The following PDIA6 variants were observed in gnomAD, a reference collection of about 807,000 sequenced individuals.
The protein encoded by PDIA6 is protein disulfide-isomerase A6.
PDIA6 carries 29 observed loss-of-function variants against 58.4 expected under a neutral mutation model. The ratio of observed to expected loss-of-function variants is 0.50; its 90% confidence interval spans 0.37 to 0.68. PDIA6 has a LOEUF of 0.68. Among genes scored for constraint, PDIA6 ranks in the 30% least tolerant of loss-of-function variants. PDIA6 has a pLI of 0.00. For missense variants in PDIA6, 480 were observed against 551.0 expected, an observed-to-expected ratio of 0.87 and a Z score of 1.29; for synonymous variants, 192 against 202.6, an observed-to-expected ratio of 0.95 and a Z score of 0.44.
Position 10,810,116 on chromosome 2 carries a change from A to T in PDIA6, c.19+2562T>A, listed in dbSNP as rs1666940933. 9.4e-6 allele frequency: 6 copies of T among 636,964 alleles called. No homozygotes were observed. The East Asian group carries it at 1.7e-4, about 18-fold the overall frequency. The allele number at this position is 636,964 out of a possible 1,614,324, so 39.5% of individuals were successfully genotyped here. A position where few individuals can be genotyped will look rare whatever the true frequency, so the allele number is the denominator to read the frequency against. ...GAGACAAAACAGTAACACTTGCGTGACTCTGTATCAGGCATTTTTCTAAAC... is the reference window on the plus strand; with the variant it reads ...GAGACAAAACAGTAACACTTGCGTGTCTCTGTATCAGGCATTTTTCTAAAC... On this transcript the variant is annotated intron_variant, in intron 1 of 12. Transcript: ENST00000272227.
intron 4 of PDIA6, among the ~76,000 whole-genome samples, chr2:10,796,346 C>T: frequency 6.6e-6 from 1 of 152,050 alleles, no homozygotes; most frequent in East Asian, 1.9e-4. Context: ...AGCCATCATG[C>T]CCAGCCCGTT....
chr2:10,788,701 A>C lies in PDIA6; in HGVS notation c.994T>G (p.Trp332Gly). 1 of 1,607,754 alleles carries C rather than the reference A, an allele frequency of 6.2e-7. No individual in the cohort carries two copies. Among genetic ancestry groups the C allele is most frequent in the Non-Finnish European group, 8.5e-7 (1 of 1,174,166 alleles). ...KLADKYKKKM[W>G]GWLWTEAGAQ... ...ACAGTAAGCTCAGTAACTTACCCCC[A>C]CATTTTCTTTTTGTATTTGTCTGCC... The change falls in exon 10 of 13, where the codon TGG (tryptophan) becomes GGG (glycine). Residue 332 changes from tryptophan to glycine, a missense_variant. Trp to Gly is a radical substitution (Grantham distance 184). Coordinates refer to ENST00000272227, the MANE Select transcript of PDIA6 (RefSeq NM_005742.4).
At position 10,819,244 on chromosome 2, in the gene PDIA6, G is replaced by C. The variant is rs779489907; in HGVS notation, c.34+30C>G. On this transcript the variant is annotated intron_variant, in intron 2 of 13. Transcript: ENST00000381611. ...TTTTGGCTGTTGTGAACAGATGGAG[G>C]CTCCTACTCTGGGAGTTTCCTCTAC... The C allele has an allele frequency of 1.5e-5, 20 of 1,341,844 alleles. No homozygotes were observed. In the South Asian group the frequency reaches 2.4e-4, roughly 16 times the overall value. The allele number at this position is 1,341,844 out of a possible 1,614,324, so 83.1% of individuals were successfully genotyped here. A position where few individuals can be genotyped will look rare whatever the true frequency, so the allele number is the denominator to read the frequency against.
In PDIA6 at chr2:10,783,546, AC is replaced by A; in HGVS notation, c.*711del. ...ACCTGCTGCTGTATTTCATGTCTTA[AC>A]GGCTATTTTGAGGTTCATTAACAAC... On this transcript the variant is annotated 3_prime_UTR_variant, in exon 13 of 13. Transcript: ENST00000272227. The A allele has an allele frequency of 3.2e-6, 1 of 307,848 alleles. No homozygotes were observed. The highest frequency in any genetic ancestry group is 3.5e-5 in the South Asian group (1 of 28,316). The allele number at this position is 307,848 out of a possible 1,614,324, so 19.1% of individuals were successfully genotyped here.
At chr2:10,797,865 G>C in intron 2 of PDIA6, 108 bp from the exon 3 acceptor site, 2 of 812,044 alleles carry the variant, frequency 2.5e-6, no homozygotes, top group Admixed American at 4.7e-5. Context: ...TGAATGAGAT[G>C]CCTGCAAAGA....
At chr2:10,820,959 G>T in intron 1 of PDIA6, 1 of 672,850 alleles carries the variant, frequency 1.5e-6, no homozygotes, top group East Asian at 2.7e-5. Flanking sequence ...CAGGACCTGG[G>T]TTTGGAAACT....
At chr2:10,803,913 T>TTTTTTTTG (rs1266690385) in intron 1 of PDIA6, among the ~76,000 whole-genome samples, 9 of 140,738 alleles carry the variant, frequency 6.4e-5, no homozygotes, top group Non-Finnish European at 9.4e-5. Flanking sequence ...GTTTTTGTGT[T>TTTTTTTTG]TTTTTTTTTT....
intron 1 of PDIA6, among the ~76,000 whole-genome samples, chr2:10,803,137 T>C (rs933975958): frequency 6.6e-6 from 1 of 152,218 alleles, no homozygotes; most frequent in Non-Finnish European, 1.5e-5. Flanking sequence ...AGATTGTGAC[T>C]CTTTCAAGGG....
upstream of PDIA6, among the ~76,000 whole-genome samples, chr2:10,835,346 C>T (rs554347372): frequency 6.6e-6 from 1 of 152,236 alleles, no homozygotes; most frequent in Admixed American, 6.5e-5. Context: ...GGCTCCGGAG[C>T]CCGCCTTCTT....
intron 2 of PDIA6, chr2:10,819,255 G>A (rs1472080493): frequency 1.9e-5 from 28 of 1,443,050 alleles, no homozygotes; most frequent in Non-Finnish European, 2.7e-5. Context: ...CTCCTACTCT[G>A]GGAGTTTCCT....
At position 10,823,116 on chromosome 2, in the gene PDIA6, T is replaced by A. The variant is rs966766339; in HGVS notation, c.-47-3762A>T. 6.6e-5 allele frequency: 10 copies of A among 152,356 alleles called. No individual in the cohort carries two copies. In the East Asian group the frequency reaches 1.9e-3, roughly 29 times the overall value. 9.4% of individuals were successfully genotyped at this position (152,356 alleles called of 1,614,324 possible). On this transcript the variant is annotated intron_variant, in intron 1 of 13. Transcript: ENST00000381611. The stretch of plus-strand genomic sequence containing the variant: ...CAGAAGTAGAGGTGGCCTGGACAAA[T>A]CACCTTGCTCATTTTTTCTTGTGTT...
At chr2:10,802,980 G>A (rs919964153) in intron 1 of PDIA6, among the ~76,000 whole-genome samples, 1 of 152,176 alleles carries the variant, frequency 6.6e-6, no homozygotes, top group Non-Finnish European at 1.5e-5. Flanking sequence ...TGGCATGGAC[G>A]CTGAAAAATT....
In PDIA6 at chr2:10,806,650, A is replaced by AAAGAAAGAAAGAAAGAAAG. The variant is rs1553339954; in HGVS notation, c.20-4011_20-4010insCTTTCTTTCTTTCTTTCTT. Among the ~76,000 whole-genome samples the AAAGAAAGAAAGAAAGAAAG allele has an allele frequency of 9.5e-5, 6 of 62,898 alleles. No individual in the cohort carries two copies. In the South Asian group the frequency reaches 1.7e-3, roughly 18 times the overall value. 41.3% of individuals were successfully genotyped at this position (62,898 alleles called of 152,430 possible). A position where few individuals can be genotyped will look rare whatever the true frequency, so the allele number is the denominator to read the frequency against. On this transcript the variant is annotated intron_variant, in intron 1 of 12. Coordinates refer to ENST00000272227, the MANE Select transcript of PDIA6 (RefSeq NM_005742.4). ...AGACAGAAAGAAAGAAAGAAAGAAA[A>AAAGAAAGAAAGAAAGAAAG]ACGTTACAGTAAATTAAGGTTAATC...
chr2:10,827,875 A>T (rs1421209322), intron 1 of PDIA6, among the ~76,000 whole-genome samples: 1 of 152,146 alleles, frequency 6.6e-6, no homozygotes, highest in Non-Finnish European at 1.5e-5. Flanking sequence ...TAGAGTAAAA[A>T]AAAAGTTTGT....
rs1283823871 is a variant in PDIA6 at position 10,806,649 on chromosome 2, A to AGAAAGAAAGAAAGAAAGAAAGAAAGAAAG, written c.20-4010_20-4009insCTTTCTTTCTTTCTTTCTTTCTTTCTTTC. Among the ~76,000 whole-genome samples, 9 of 134,268 alleles carry AGAAAGAAAGAAAGAAAGAAAGAAAGAAAG rather than the reference A, an allele frequency of 6.7e-5. 1 individual carries two copies. Among genetic ancestry groups the AGAAAGAAAGAAAGAAAGAAAGAAAGAAAG allele is most frequent in the South Asian group, 5.1e-4 (2 of 3,902 alleles). The allele number at this position is 134,268 out of a possible 152,430, so 88.1% of individuals were successfully genotyped here. A position where few individuals can be genotyped will look rare whatever the true frequency, so the allele number is the denominator to read the frequency against. ...AAGACAGAAAGAAAGAAAGAAAGAA[A>AGAAAGAAAGAAAGAAAGAAAGAAAGAAAG]AACGTTACAGTAAATTAAGGTTAAT... On this transcript the variant is annotated intron_variant, in intron 1 of 12. Coordinates refer to ENST00000272227, the MANE Select transcript of PDIA6 (RefSeq NM_005742.4).
chr2:10,795,335 T>C (rs533628112), intron 4 of PDIA6, among the ~76,000 whole-genome samples: 1 of 152,280 alleles, frequency 6.6e-6, no homozygotes, highest in Non-Finnish European at 1.5e-5. Context: ...ACTAAAAACA[T>C]GTGCATTTTC....
intron 1 of PDIA6, among the ~76,000 whole-genome samples, chr2:10,803,908 T>C (rs1209599958): frequency 3.2e-5 from 4 of 125,690 alleles, no homozygotes; most frequent in Non-Finnish European, 5.5e-5. Flanking sequence ...TCCTAGTTTT[T>C]GTGTTTTTTT....
chr2:10,831,278 C>T (rs765326991), intron 1 of PDIA6, among the ~76,000 whole-genome samples: 6 of 152,182 alleles, frequency 3.9e-5, no homozygotes, highest in East Asian at 3.9e-4. Context: ...CTCCCGGGCC[C>T]GTGCACATTG....
chr2:10,832,917 AC>A (rs1220867822), upstream of PDIA6, among the ~76,000 whole-genome samples: 2 of 148,254 alleles, frequency 1.3e-5, no homozygotes, highest in South Asian at 4.2e-4. Flanking sequence ...CGCTGGTCCC[AC>A]CCCCCGCCCC....
Sources: gnomAD v4.1 joint callset for allele counts (sites outside exome capture counted in the v4.1 genomes callset) on GRCh38, gnomAD v4.1.1 for gene constraint, MANE v1.5 for transcripts, NCBI Gene and HGNC (gene_info 2026-07-23, HGNC 2026-07-21) for gene names.